Variants in TMEM232 observed in about 807,000 individuals in gnomAD.
TMEM232 encodes transmembrane protein 232.
TMEM232 carries 80 observed loss-of-function variants against 78.8 expected under a neutral mutation model. That is an observed-to-expected ratio of 1.01 (90% confidence interval 0.85 to 1.22). TMEM232 has a LOEUF of 1.22. TMEM232 is among the 50% of genes most tolerant of loss of function. TMEM232 has a pLI of 0.00. For synonymous variants in TMEM232, 297 were observed against 254.3 expected, an observed-to-expected ratio of 1.17 and a Z score of -1.60; for missense variants, 881 against 742.2, an observed-to-expected ratio of 1.19 and a Z score of -2.17.
At chr5:110,506,170 A>C (rs1165702294) in intron 12 of TMEM232, among the ~76,000 whole-genome samples, 1 of 152,180 alleles carries the variant, frequency 6.6e-6, no homozygotes, top group Non-Finnish European at 1.5e-5. Flanking sequence ...TGTCTAGCAT[A>C]CCTTACGGAT....
At chr5:110,731,427 A>G (rs557731287), upstream of TMEM232, among the ~76,000 whole-genome samples, 1 of 152,294 alleles carries the variant, frequency 6.6e-6, no homozygotes, top group South Asian at 2.1e-4. Flanking sequence ...ACACTGCCCT[A>G]GCAGGGGTTC....
chr5:110,654,579 C>A (rs61508019), intron 2 of TMEM232, among the ~76,000 whole-genome samples: 1 of 152,014 alleles, frequency 6.6e-6, no homozygotes, highest in African/African-American at 2.4e-5. Context: ...AGTCAGGTAG[C>A]GTGATGCCTC....
At chr5:110,550,336 G>C (rs1052976501) in intron 11 of TMEM232, among the ~76,000 whole-genome samples, 7 of 152,108 alleles carry the variant, frequency 4.6e-5, no homozygotes, top group African/African-American at 1.7e-4. Context: ...ATGTGAAAAT[G>C]TTGAAAGCTG....
chr5:110,563,127 T>C (rs1208809526), intron 11 of TMEM232, among the ~76,000 whole-genome samples: 1 of 151,978 alleles, frequency 6.6e-6, no homozygotes, highest in Non-Finnish European at 1.5e-5. Flanking sequence ...TTAAAATAAA[T>C]GAAAACACCC....
rs1160648162 is a variant in TMEM232 at position 110,605,321 on chromosome 5, C to T, written c.1064G>A (p.Trp355Ter). ...TACTGTATATATGTAGACTACATTC[C>T]AGGCCCAGGAAAAATCATCTACCTT... The part of the protein sequence containing the change: ...SCKVDDFSWA[W>*]NVVYIYTVIL... Residue 355 changes from tryptophan to a stop codon, truncating the protein, a stop_gained, in exon 10 of 14, where the codon TGG becomes TAG. Coordinates refer to ENST00000455884, the MANE Select transcript of TMEM232 (RefSeq NM_001039763.4). LOFTEE classifies it high-confidence loss of function. 6 of 1,546,702 alleles carry T rather than the reference C, an allele frequency of 3.9e-6. No individual in the cohort carries two copies. In the African/African-American group the frequency reaches 4.1e-5, roughly 11 times the overall value.
chr5:110,487,642 A>G (rs1764611403), intron 12 of TMEM232, among the ~76,000 whole-genome samples: 1 of 152,084 alleles, frequency 6.6e-6, no homozygotes, highest in African/African-American at 2.4e-5. Context: ...CCATCCCTGC[A>G]TCCCTGGTAT....
At chr5:110,618,774 T>A (rs926630096) in intron 7 of TMEM232, among the ~76,000 whole-genome samples, 2 of 152,174 alleles carry the variant, frequency 1.3e-5, no homozygotes, top group Admixed American at 6.5e-5. Flanking sequence ...ATTTTTCACA[T>A]GGGTCTCTTG....
At chr5:110,482,381 G>A (rs1763963150) in intron 12 of TMEM232, among the ~76,000 whole-genome samples, 1 of 152,094 alleles carries the variant, frequency 6.6e-6, no homozygotes, top group Non-Finnish European at 1.5e-5. Flanking sequence ...AGGAGTTTGA[G>A]ATGAGCCTGG....
intron 2 of TMEM232, among the ~76,000 whole-genome samples, chr5:110,406,263 TATACAC>T (rs1408265313): frequency 0.021 from 1,097 of 51,680 alleles, 13 homozygotes; most frequent in African/African-American, 0.075. Context: ...CACAGATATA[TATACAC>T]ACACACACAC....
Position 110,401,853 on chromosome 5 carries a change from C to T in TMEM232, n.309-3999G>A, listed in dbSNP as rs147587907. ...AAGATATAGGCAATACTGAGCCAGC[C>T]GTCTGACAAGCGGTGATTGTCCAGA... On this transcript the variant is annotated intron_variant and non_coding_transcript_variant, in intron 2 of 8. Transcript: ENST00000507188. Among the ~76,000 whole-genome samples the T allele has an allele frequency of 2.6e-4, 40 of 152,126 alleles. No homozygotes were observed. In the East Asian group the frequency reaches 7.3e-3, roughly 28 times the overall value.
chr5:110,590,744 T>C (rs1297319449), intron 10 of TMEM232, among the ~76,000 whole-genome samples: 1 of 152,114 alleles, frequency 6.6e-6, no homozygotes, highest in Non-Finnish European at 1.5e-5. Flanking sequence ...AATTTATAAA[T>C]AAAAGAGGTT....
intron 3 of TMEM232, 36 bp from the exon 4 acceptor site, chr5:110,641,032 T>C (rs980888228): frequency 7.7e-7 from 1 of 1,298,006 alleles, no homozygotes; most frequent in African/African-American, 1.6e-5. Flanking sequence ...CAAATCAAAA[T>C]GTACATATTT....
chr5:110,455,739 A>C (rs1450866356), intron 12 of TMEM232, among the ~76,000 whole-genome samples: 1 of 152,192 alleles, frequency 6.6e-6, no homozygotes, highest in African/African-American at 2.4e-5. Context: ...ATATTAACAC[A>C]AAAAGGATAA....
chr5:110,397,177 A>G (rs1431105657), intron 3 of TMEM232, among the ~76,000 whole-genome samples: 2 of 152,188 alleles, frequency 1.3e-5, no homozygotes, highest in Middle Eastern at 3.2e-3. Context: ...CCTATGAAGT[A>G]GCCAAATATG....
At chr5:110,583,233 T>C (rs2149735307) in intron 10 of TMEM232, among the ~76,000 whole-genome samples, 1 of 152,124 alleles carries the variant, frequency 6.6e-6, no homozygotes, top group South Asian at 2.1e-4. Flanking sequence ...GCATCACATT[T>C]ACTGATTTCA....
At chr5:110,734,033 C>G (rs1798935745) in intron 2 of TMEM232, among the ~76,000 whole-genome samples, 1 of 152,136 alleles carries the variant, frequency 6.6e-6, no homozygotes, top group Non-Finnish European at 1.5e-5. Context: ...AGTTAGTTGA[C>G]ATGTTTGTGA....
chr5:110,427,955 A>T (rs1307750220), intron 12 of TMEM232, among the ~76,000 whole-genome samples: 1 of 151,954 alleles, frequency 6.6e-6, no homozygotes, highest in South Asian at 2.1e-4. Flanking sequence ...AATGGGTTAT[A>T]CACACCCTGA....
At chr5:110,415,190 C>CT (rs11382588), downstream of TMEM232, among the ~76,000 whole-genome samples, 16,442 of 142,188 alleles carry the variant, frequency 0.12, 1,417 homozygotes, top group African/African-American at 0.24. Flanking sequence ...TTCTCTCCAA[C>CT]TTTTTTTTTT....
intron 1 of TMEM232, among the ~76,000 whole-genome samples, chr5:110,669,413 T>A (rs546912576): frequency 3.3e-5 from 5 of 152,136 alleles, no homozygotes; most frequent in African/African-American, 9.6e-5. Context: ...ACATACACCC[T>A]CCCAAGACTA....
Sources: gnomAD v4.1 joint callset for allele counts (sites outside exome capture counted in the v4.1 genomes callset) on GRCh38, gnomAD v4.1.1 for gene constraint, MANE v1.5 for transcripts, NCBI Gene and HGNC (gene_info 2026-07-23, HGNC 2026-07-21) for gene names.